The following AMER3 variants were observed in gnomAD, a reference collection of about 807,000 sequenced individuals.
AMER3 encodes family with sequence similarity 123C.
For missense variants in AMER3, 1,201 were observed against 1,139.4 expected, an observed-to-expected ratio of 1.05 and a Z score of -0.78; for synonymous variants, 541 against 485.5, an observed-to-expected ratio of 1.11 and a Z score of -1.50.
In AMER3 at chr2:130,763,424, C is replaced by G. The variant is rs780281978; in HGVS notation, c.1352C>G (p.Pro451Arg). 6.2e-7 allele frequency: 1 copy of G among 1,612,890 alleles called. No homozygotes were observed. The highest frequency in any genetic ancestry group is 2.2e-5 in the East Asian group (1 of 44,872). The change falls in exon 2 of 2, where the codon CCG (proline) becomes CGG (arginine). Residue 451 changes from proline to arginine, a missense_variant. Physicochemically the swap from Pro to Arg is moderately radical, Grantham distance 103. Coordinates refer to ENST00000321420, the MANE Select transcript of AMER3 (RefSeq NM_152698.3). ...DLCVSESLSGPALGTPLSICS... is the reference protein window; with the variant it reads ...DLCVSESLSGRALGTPLSICS... ...TGCGTGTCTGAGAGTCTGTCAGGGC[C>G]GGCCCTGGGGACGCCACTGTCCATA...
rs753138918 is a variant in AMER3 at position 130,762,391 on chromosome 2, G to A, written c.319G>A (p.Ala107Thr). 1.2e-6 allele frequency: 2 copies of A among 1,611,744 alleles called. No homozygotes were observed. The highest frequency in any genetic ancestry group is 1.7e-5 in the Admixed American group (1 of 59,938). Residue 107 changes from alanine to threonine, a missense_variant, in exon 2 of 2, where the codon GCC becomes ACC. Ala to Thr is a moderately conservative substitution (Grantham distance 58, BLOSUM62 0). Coordinates refer to ENST00000321420, the MANE Select transcript of AMER3 (RefSeq NM_152698.3). Reference protein sequence around the residue: ...SMSGAGRATAATGQLVGSASF... With the variant: ...SMSGAGRATATTGQLVGSASF... ...GTCTGGGGCAGGCAGGGCCACGGCT[G>A]CCACAGGGCAGCTGGTGGGCAGTGC...
intron 1 of AMER3, chr2:130,756,152 G>C (rs943551239): frequency 9.5e-5 from 14 of 147,930 alleles, no homozygotes; most frequent in African/African-American, 3.4e-4. Context: ...CCACCCCTGC[G>C]CGCCAGCGCC....
chr2:130,763,833 G>A lies in AMER3; in HGVS notation c.1761G>A (p.Gly587=), dbSNP rs769755962. 6.2e-7 allele frequency: 1 copy of A among 1,613,228 alleles called. No individual in the cohort carries two copies. Among genetic ancestry groups the A allele is most frequent in the Non-Finnish European group, 8.5e-7 (1 of 1,180,000 alleles). ...CCGGAGAGAGCAAGGCCCTCGGAGG[G>A]GCCACACAAGGGACTGGCACACTGT... is the stretch of plus-strand genomic sequence containing the variant. ...LLAGESKALG[G]ATQGTGTLSR... The change falls in exon 2 of 2, where the codon GGG becomes GGA. Residue 587 remains glycine, a synonymous_variant. Transcript: ENST00000321420.
rs577463247 is a variant in AMER3 at position 130,764,314 on chromosome 2, C to T, written c.2242C>T (p.Arg748Cys). The change falls in exon 2 of 2, where the codon CGT becomes TGT. Residue 748 changes from arginine to cysteine, a missense_variant. Physicochemically the swap from Arg to Cys is radical, Grantham distance 180. Coordinates refer to ENST00000321420, the MANE Select transcript of AMER3 (RefSeq NM_152698.3). Reference sequence around the variant, plus strand: ...CACACAGGACCAGAGGTGTCGAGATCGTGTCCAGGACCTGAGCTGGCTCAG... The same window carrying T: ...CACACAGGACCAGAGGTGTCGAGATTGTGTCCAGGACCTGAGCTGGCTCAG... ...ASTQDQRCRDRVQDLSWLRVE... is the reference protein window; with the variant it reads ...ASTQDQRCRDCVQDLSWLRVE... 5 of 1,607,872 alleles carry T rather than the reference C, an allele frequency of 3.1e-6. No individual in the cohort carries two copies. Among genetic ancestry groups the T allele is most frequent in the African/African-American group, 2.7e-5 (2 of 74,942 alleles).
At position 130,762,178 on chromosome 2, in the gene AMER3, C is replaced by A; in HGVS notation, c.106C>A (p.Pro36Thr). 1 of 1,600,524 alleles carries A rather than the reference C, an allele frequency of 6.2e-7. No homozygotes were observed. Among genetic ancestry groups the A allele is most frequent in the Non-Finnish European group, 8.5e-7 (1 of 1,173,732 alleles). The part of the protein sequence containing the change: ...AVAAAREGTG[P>T]WSVLPGGQQR... ...GGCTGCAGCCAGGGAGGGGACAGGC[C>A]CCTGGTCAGTCCTTCCAGGAGGGCA... The change falls in exon 2 of 2, where the codon CCC (proline) becomes ACC (threonine). Residue 36 changes from proline to threonine, a missense_variant. By Grantham distance (38) the Pro-to-Thr change is conservative. Coordinates refer to ENST00000321420, the MANE Select transcript of AMER3 (RefSeq NM_152698.3).
Position 130,767,840 on chromosome 2 carries a change from G to A in AMER3, c.*3182G>A, listed in dbSNP as rs977600841. 1 of 167,204 alleles carries A rather than the reference G, an allele frequency of 6.0e-6. No homozygotes were observed. The highest frequency in any genetic ancestry group is 1.5e-5 in the Non-Finnish European group (1 of 68,200). 10.4% of individuals were successfully genotyped at this position (167,204 alleles called of 1,614,324 possible). A position where few individuals can be genotyped will look rare whatever the true frequency, so the allele number is the denominator to read the frequency against. The stretch of plus-strand genomic sequence containing the variant: ...GTGTGACTTGCCCACAGTTATTAGT[G>A]TGTGAGGTGATGGGTTTTGTCCCGT... On this transcript the variant is annotated 3_prime_UTR_variant, in exon 2 of 2. Coordinates refer to ENST00000321420, the MANE Select transcript of AMER3 (RefSeq NM_152698.3).
chr2:130,761,919 C>A, intron 1 of AMER3, 135 bp from the exon 2 acceptor site: 2 of 874,416 alleles, frequency 2.3e-6, no homozygotes, highest in Non-Finnish European at 1.7e-6. Flanking sequence ...CATCTTTCTC[C>A]CCCACCTGCA....
Position 130,764,370 on chromosome 2 carries a change from C to T in AMER3, c.2298C>T (p.Ala766=), listed in dbSNP as rs1188937751. 2 of 1,612,660 alleles carry T rather than the reference C, an allele frequency of 1.2e-6. No individual in the cohort carries two copies. Among genetic ancestry groups the T allele is most frequent in the Non-Finnish European group, 1.7e-6 (2 of 1,179,626 alleles). ...AGCCCACCGGGCTAGGTGTCCAGGC[C>T]TGGGCCTCTGTGGAGGACCAGCCCT... ...RVEPTGLGVQ[A]WASVEDQPLQ... is the part of the protein sequence containing the mutation. Residue 766 remains alanine, a synonymous_variant, in exon 2 of 2, where the codon GCC becomes GCT. Coordinates refer to ENST00000321420, the MANE Select transcript of AMER3 (RefSeq NM_152698.3).
intron 1 of AMER3, among the ~76,000 whole-genome samples, chr2:130,756,648 G>T (rs1283110446): frequency 6.6e-6 from 1 of 152,130 alleles, no homozygotes; most frequent in East Asian, 1.9e-4. Flanking sequence ...TCGCTGTGAG[G>T]CCCATCTCCT....
rs538868862 is a variant in AMER3 at position 130,764,106 on chromosome 2, C to T, written c.2034C>T (p.Ala678=). The change falls in exon 2 of 2, where the codon GCC becomes GCT. Residue 678 remains alanine (A), a synonymous_variant. Transcript: ENST00000321420. ...AGCCCATGCTGGCAGGCTGTGTGGC[C>T]CGTGTGGCAGCCCTGAAGATCAGCT... ...DAEPMLAGCV[A]RVAALKISSN... The T allele has an allele frequency of 1.7e-5, 28 of 1,611,820 alleles. No homozygotes were observed. The highest frequency in any genetic ancestry group is 1.7e-4 in the Middle Eastern group (1 of 6,048).
Position 130,755,683 on chromosome 2 carries a change from C to G in AMER3, c.-20+9C>G, listed in dbSNP as rs1169402193. 1.3e-5 allele frequency: 2 copies of G among 152,450 alleles called. No individual in the cohort carries two copies. Among genetic ancestry groups the G allele is most frequent in the African/African-American group, 4.8e-5 (2 of 41,462 alleles). 9.4% of individuals were successfully genotyped at this position (152,450 alleles called of 1,614,324 possible). A position where few individuals can be genotyped will look rare whatever the true frequency, so the allele number is the denominator to read the frequency against. Reference sequence around the variant, plus strand: ...CCAGTAGACCCCACACAGTGAGTACCTGTAGGGCAAGTGCCTCTTTCGTTC... The same window carrying G: ...CCAGTAGACCCCACACAGTGAGTACGTGTAGGGCAAGTGCCTCTTTCGTTC... On this transcript the variant is annotated intron_variant, in intron 1 of 1. Coordinates refer to ENST00000321420, the MANE Select transcript of AMER3 (RefSeq NM_152698.3).
At chr2:130,760,399 C>T (rs1185577165) in intron 1 of AMER3, among the ~76,000 whole-genome samples, 2 of 152,226 alleles carry the variant, frequency 1.3e-5, no homozygotes, top group Non-Finnish European at 1.5e-5. Context: ...CCCCTGGGTC[C>T]TCATGAAGAA....
At position 130,764,381 on chromosome 2, in the gene AMER3, T is replaced by A; in HGVS notation, c.2309T>A (p.Val770Glu). The A allele has an allele frequency of 6.2e-7, 1 of 1,612,792 alleles. No homozygotes were observed. Among genetic ancestry groups the A allele is most frequent in the Non-Finnish European group, 8.5e-7 (1 of 1,179,778 alleles). The change falls in exon 2 of 2, where the codon GTG (valine) becomes GAG (glutamate). Residue 770 changes from valine (V) to glutamate (E), a missense_variant. Transcript: ENST00000321420. Reference sequence around the variant, plus strand: ...CTAGGTGTCCAGGCCTGGGCCTCTGTGGAGGACCAGCCCTTGCAGCTCAGC... The same window carrying A: ...CTAGGTGTCCAGGCCTGGGCCTCTGAGGAGGACCAGCCCTTGCAGCTCAGC... ...TGLGVQAWAS[V>E]EDQPLQLSTE...
At chr2:130,760,614 T>C (rs1279699462) in intron 1 of AMER3, among the ~76,000 whole-genome samples, 6 of 152,260 alleles carry the variant, frequency 3.9e-5, no homozygotes, top group African/African-American at 1.4e-4. Context: ...CTGGCCAGAC[T>C]GACAGAGTAC....
At chr2:130,755,742 G>A (rs1473056775) in intron 1 of AMER3, 68 bp downstream of exon 1, 2 of 152,368 alleles carry the variant, frequency 1.3e-5, no homozygotes. Flanking sequence ...TTCTCCAAGG[G>A]AAGACCCTGC....
chr2:130,760,766 C>T (rs1241976019), intron 1 of AMER3, among the ~76,000 whole-genome samples: 2 of 152,126 alleles, frequency 1.3e-5, no homozygotes, highest in African/African-American at 4.8e-5. Context: ...CCCTCTCTTC[C>T]TGGGTACTGA....
In AMER3 at chr2:130,764,855, C is replaced by T. The variant is rs928920537; in HGVS notation, c.*197C>T. On this transcript the variant is annotated 3_prime_UTR_variant, in exon 2 of 2. Coordinates refer to ENST00000321420, the MANE Select transcript of AMER3 (RefSeq NM_152698.3). ...GAACCCACCAGCTCAGGCAGCCCACCGCCAAAGACAGCGCGAAGCTGCAAC... is the reference window on the plus strand; with the variant it reads ...GAACCCACCAGCTCAGGCAGCCCACTGCCAAAGACAGCGCGAAGCTGCAAC... The T allele has an allele frequency of 1.2e-4, 86 of 690,752 alleles. No homozygotes were observed. The highest frequency in any genetic ancestry group is 1.9e-4 in the Non-Finnish European group (77 of 415,294). 42.8% of individuals were successfully genotyped at this position (690,752 alleles called of 1,614,324 possible). A position where few individuals can be genotyped will look rare whatever the true frequency, so the allele number is the denominator to read the frequency against.
intron 1 of AMER3, among the ~76,000 whole-genome samples, chr2:130,760,201 A>G (rs1280355728): frequency 6.6e-6 from 1 of 152,194 alleles, no homozygotes; most frequent in Non-Finnish European, 1.5e-5. Context: ...CTCTCCTGGC[A>G]TGGTGCCTAC....
rs1257889829 is a variant in AMER3, at chr2:130,766,332, G to A, written c.*1674G>A. 1 of 167,062 alleles carries A rather than the reference G, an allele frequency of 6.0e-6. No homozygotes were observed. Among genetic ancestry groups the A allele is most frequent in the East Asian group, 1.9e-4 (1 of 5,190 alleles). 10.3% of individuals were successfully genotyped at this position (167,062 alleles called of 1,614,324 possible). ...CCAGGACAGGTGGCTACAACATGCT[G>A]AGGGCCTGAAGGGCGTCCCCTCAGG... On this transcript the variant is annotated 3_prime_UTR_variant, in exon 2 of 2. Coordinates refer to ENST00000321420, the MANE Select transcript of AMER3 (RefSeq NM_152698.3).
Sources: allele counts gnomAD v4.1 joint callset (sites outside exome capture counted in the v4.1 genomes callset), GRCh38; gene constraint gnomAD v4.1.1; transcripts MANE v1.5; gene names NCBI Gene and HGNC (gene_info 2026-07-23, HGNC 2026-07-21).